STARD13: variants seen among roughly 807,000 people sequenced by gnomAD.
STARD13 encodes the protein stAR-related lipid transfer protein 13.
STARD13 carries 62 observed loss-of-function variants against 106.4 expected under a neutral mutation model. The ratio of observed to expected loss-of-function variants is 0.58; its 90% CI spans 0.48 to 0.72. The LOEUF (loss-of-function observed/expected upper bound fraction) is 0.72. STARD13 is among the 30% of genes least tolerant of loss of function. STARD13 has a pLI of 0.00. For synonymous variants in STARD13, 565 were observed against 553.0 expected (o/e 1.02, Z -0.31); for missense variants, 1,387 against 1,424.0 (o/e 0.97, Z 0.42).
the STARD13 span, among the ~76,000 whole-genome samples, chr13:33,509,331 AC>A: frequency 1.3e-5 from 2 of 152,164 alleles, no homozygotes; most frequent in Non-Finnish European, 2.9e-5. Flanking sequence ...ACAGCAGATA[AC>A]CATTGGCCTT....
At chr13:33,561,844 C>G in the STARD13 span, among the ~76,000 whole-genome samples, 2 of 146,956 alleles carry the variant, frequency 1.4e-5, 1 homozygote, top group East Asian at 4.0e-4. Flanking sequence ...TATTTTACTA[C>G]ATAATATGAT....
the STARD13 span, among the ~76,000 whole-genome samples, chr13:33,441,110 A>G: frequency 6.6e-6 from 1 of 151,986 alleles, no homozygotes; most frequent in Non-Finnish European, 1.5e-5. Context: ...TGTTTGCTCA[A>G]ATCAGAAACT....
chr13:33,300,414 T>A (rs1892666436), intron 1 of STARD13, among the ~76,000 whole-genome samples: 1 of 152,162 alleles, frequency 6.6e-6, no homozygotes, highest in Admixed American at 6.5e-5. Flanking sequence ...AGAAATGTCA[T>A]AGGTTAGCAG....
At chr13:33,177,555 C>T (rs1415820722) in intron 1 of STARD13, among the ~76,000 whole-genome samples, 1 of 152,126 alleles carries the variant, frequency 6.6e-6, no homozygotes, top group African/African-American at 2.4e-5. Context: ...GGGGATATCA[C>T]TGGATTTTAG....
intron 3 of STARD13, among the ~76,000 whole-genome samples, chr13:33,154,872 C>T (rs889819193): frequency 7.2e-5 from 11 of 152,282 alleles, no homozygotes; most frequent in Non-Finnish European, 1.3e-4. Context: ...AGCAGCCGCG[C>T]GGGAACCGGC....
intron 1 of STARD13, among the ~76,000 whole-genome samples, chr13:33,208,402 TG>T (rs1887535158): frequency 6.6e-6 from 1 of 152,026 alleles, no homozygotes; most frequent in South Asian, 2.1e-4. Flanking sequence ...AAGGCAAGCT[TG>T]GGGACTCAGG....
At chr13:33,662,709 C>G in the STARD13 span, among the ~76,000 whole-genome samples, 1 of 152,246 alleles carries the variant, frequency 6.6e-6, no homozygotes, top group Non-Finnish European at 1.5e-5. Context: ...GCACTATACC[C>G]CCTCTCTATT....
chr13:33,145,340 C>G (rs1880382261), intron 3 of STARD13, among the ~76,000 whole-genome samples: 1 of 152,152 alleles, frequency 6.6e-6, no homozygotes, highest in African/African-American at 2.4e-5. Context: ...AGTAAAAACG[C>G]TGACAACATT....
the STARD13 span, among the ~76,000 whole-genome samples, chr13:33,498,804 C>T: frequency 6.6e-6 from 1 of 152,180 alleles, no homozygotes; most frequent in East Asian, 1.9e-4. Flanking sequence ...TTTGCATATG[C>T]AATGCTTCAG....
chr13:33,634,470 A>T, the STARD13 span, among the ~76,000 whole-genome samples: 1 of 152,190 alleles, frequency 6.6e-6, no homozygotes, highest in Non-Finnish European at 1.5e-5. Context: ...AGTTTGATTT[A>T]CAAAATAAAT....
At chr13:33,481,689 C>G in the STARD13 span, among the ~76,000 whole-genome samples, 3 of 152,062 alleles carry the variant, frequency 2.0e-5, no homozygotes, top group African/African-American at 7.2e-5. Context: ...AATTAAAAGA[C>G]TTTAGAGCCA....
At chr13:33,669,214 T>C in the STARD13 span, among the ~76,000 whole-genome samples, 40 of 152,290 alleles carry the variant, frequency 2.6e-4, no homozygotes, top group African/African-American at 9.6e-4. Context: ...CAGAAGCAGA[T>C]GGGTGTAAAG....
chr13:33,649,738 C>T, the STARD13 span, among the ~76,000 whole-genome samples: 1 of 151,986 alleles, frequency 6.6e-6, no homozygotes, highest in African/African-American at 2.4e-5. Context: ...AAAAATTGAC[C>T]TTGGTAGTTA....
the STARD13 span, among the ~76,000 whole-genome samples, chr13:33,669,450 T>C: frequency 1.3e-5 from 2 of 152,028 alleles, no homozygotes; most frequent in African/African-American, 2.4e-5. Context: ...CCAGTGGTCC[T>C]TTGGGACTTC....
At position 33,227,607 on chromosome 13, in the gene STARD13, A is replaced by C. The variant is rs1888692241; in HGVS notation, c.169+57863T>G. Among the ~76,000 whole-genome samples, 3 of 152,162 alleles carry C rather than the reference A, an allele frequency of 2.0e-5. No individual in the cohort carries two copies. In the East Asian group the frequency reaches 5.8e-4, roughly 29 times the overall value. ...GGCAAAGCATTTCATTTTAAATTTGAGATAAGGTTTATACTCCAAATACCC... is the reference window on the plus strand; with the variant it reads ...GGCAAAGCATTTCATTTTAAATTTGCGATAAGGTTTATACTCCAAATACCC... On this transcript the variant is annotated intron_variant, in intron 1 of 13. Coordinates refer to ENST00000336934, the MANE Select transcript of STARD13 (RefSeq NM_178006.4).
chr13:33,643,635 A>G, the STARD13 span, among the ~76,000 whole-genome samples: 1 of 152,262 alleles, frequency 6.6e-6, no homozygotes, highest in Non-Finnish European at 1.5e-5. Context: ...CACCCGGTTC[A>G]GTTTGGTTTT....
At chr13:33,228,038 G>A (rs1223700977) in intron 1 of STARD13, among the ~76,000 whole-genome samples, 1 of 152,180 alleles carries the variant, frequency 6.6e-6, no homozygotes, top group Non-Finnish European at 1.5e-5. Flanking sequence ...GAAGGGAGAT[G>A]CAAATAAAAA....
intron 1 of STARD13, among the ~76,000 whole-genome samples, chr13:33,199,206 T>C (rs1220625885): frequency 1.3e-5 from 2 of 152,260 alleles, no homozygotes; most frequent in African/African-American, 4.8e-5. Flanking sequence ...TTTAAATATG[T>C]GCCCCATAGC....
chr13:33,469,732 T>G, the STARD13 span, among the ~76,000 whole-genome samples: 1 of 152,076 alleles, frequency 6.6e-6, no homozygotes, highest in African/African-American at 2.4e-5. Context: ...TGACACACAT[T>G]ATTTAAGATT....
Sources: gnomAD v4.1 joint callset for allele counts (sites outside exome capture counted in the v4.1 genomes callset) on GRCh38, gnomAD v4.1.1 for gene constraint, MANE v1.5 for transcripts, NCBI Gene and HGNC (gene_info 2026-07-23, HGNC 2026-07-21) for gene names.